EIF3A: variants seen among roughly 807,000 people sequenced by gnomAD.
EIF3A encodes the protein eukaryotic translation initiation factor 3 subunit A, also known as EIF3, p180 subunit.
A neutral mutation model predicts 186.6 loss-of-function variants in EIF3A; 21 were observed. That is an observed-to-expected ratio of 0.11 (90% CI 0.08 to 0.16). The LOEUF is 0.16. EIF3A is among the 10% of genes least tolerant of loss of function. The pLI is 1.00. For missense variants in EIF3A, 1,306 were observed against 1,796.3 expected (o/e 0.73, Z 4.93); for synonymous variants, 563 against 584.3 (o/e 0.96, Z 0.52).
chr10:119,080,535 G>C (rs1844247938), intron 1 of EIF3A, 93 bp downstream of exon 1: 1 of 1,447,816 alleles, frequency 6.9e-7, no homozygotes, highest in Non-Finnish European at 9.0e-7. Context: ...CCCCGCGCGG[G>C]CCGGGCGGCG....
At position 119,072,335 on chromosome 10, in the gene EIF3A, T is replaced by C. The variant is rs34505219; in HGVS notation, c.541+555A>G. Among the ~76,000 whole-genome samples the C allele has an allele frequency of 3.3e-5, 5 of 152,018 alleles. 1 individual carries two copies. Among genetic ancestry groups the C allele is most frequent in the Non-Finnish European group, 1.5e-5 (1 of 67,984 alleles). ...TGTCTTTCATTATTACTGATGTTTG[T>C]GTAAAAAGAAAAAAAAAGATCTTTC... On this transcript the variant is annotated intron_variant, in intron 4 of 21. Coordinates refer to ENST00000369144, the MANE Select transcript of EIF3A (RefSeq NM_003750.4).
intron 1 of EIF3A, among the ~76,000 whole-genome samples, chr10:119,076,321 CCA>C (rs1589698139): frequency 6.4e-5 from 1 of 15,664 alleles, no homozygotes; most frequent in African/African-American, 1.6e-4. Context: ...CAACAAGTCT[CCA>C]AAAAAAAAAA....
chr10:119,062,740 C>T (rs1843908759), intron 7 of EIF3A, among the ~76,000 whole-genome samples: 1 of 131,906 alleles, frequency 7.6e-6, no homozygotes, highest in Non-Finnish European at 1.6e-5. Flanking sequence ...TCTAAGAGAT[C>T]ACCTTTTTTT....
In EIF3A at chr10:119,050,705, G is replaced by A. The variant is rs1353418568; in HGVS notation, c.2320-31C>T. On this transcript the variant is annotated intron_variant, in intron 15 of 21. Transcript: ENST00000369144. ...ATCGAAGTAACCCCCAACCCAAAAA[G>A]GGCACACTTTGTCAAGAGCAACAAA... is the stretch of plus-strand genomic sequence containing the variant. The A allele has an allele frequency of 3.7e-6, 6 of 1,612,472 alleles. No homozygotes were observed. The East Asian group carries it at 1.1e-4, about 30-fold the overall frequency.
At chr10:119,045,829 A>T (rs1052834748) in intron 17 of EIF3A, among the ~76,000 whole-genome samples, 9 of 152,214 alleles carry the variant, frequency 5.9e-5, no homozygotes, top group Non-Finnish European at 1.3e-4. Context: ...GGTCTCCCAA[A>T]GTGCTGAGAT....
At chr10:119,062,743 CTTTTTTTTT>C (rs372690463) in intron 7 of EIF3A, among the ~76,000 whole-genome samples, 3 of 91,048 alleles carry the variant, frequency 3.3e-5, no homozygotes, top group Admixed American at 1.6e-4. Flanking sequence ...AAGAGATCAC[CTTTTTTTTT>C]TTTTTTTTTT....
At chr10:119,058,814 TAG>T (rs1164942864) in intron 11 of EIF3A, among the ~76,000 whole-genome samples, 1 of 151,870 alleles carries the variant, frequency 6.6e-6, no homozygotes, top group Non-Finnish European at 1.5e-5. Context: ...ACCCAGGAGG[TAG>T]AGATTGCAAT....
At chr10:119,053,919 TATTG>T (rs551569556) in intron 14 of EIF3A, among the ~76,000 whole-genome samples, 4 of 152,118 alleles carry the variant, frequency 2.6e-5, no homozygotes, top group East Asian at 1.9e-4. Context: ...CAGCTTCCTT[TATTG>T]ATTGATTGAT....
chr10:119,076,691 T>C (rs996339214), intron 1 of EIF3A, among the ~76,000 whole-genome samples: 1 of 152,008 alleles, frequency 6.6e-6, no homozygotes, highest in African/African-American at 2.4e-5. Flanking sequence ...CCTATAATCC[T>C]AGCCCTCTGG....
rs376369567 is a variant in EIF3A at position 119,047,265 on chromosome 10, C to CCA, written c.2658+2534_2658+2535dup. ...CCTGGGCAACAGAGCGAGACTGTCT[C>CCA]CACACACACACACACACAAAAAGAA... On this transcript the variant is annotated intron_variant, in intron 17 of 21. Coordinates refer to ENST00000369144, the MANE Select transcript of EIF3A (RefSeq NM_003750.4). Among the ~76,000 whole-genome samples, 388 of 151,086 alleles carry CCA rather than the reference C, an allele frequency of 2.6e-3. 1 individual carries two copies. The highest frequency in any genetic ancestry group is 0.01 in the Middle Eastern group (3 of 292).
chr10:119,051,134 G>A (rs17098380), intron 15 of EIF3A, 65 bp downstream of exon 15: 46,814 of 1,431,182 alleles, frequency 0.033, 1,516 homozygotes, highest in African/African-American at 0.16. Flanking sequence ...TTTGTTAAGG[G>A]AGAACCCTTA....
chr10:119,075,488 G>A (rs1300493692), intron 1 of EIF3A, among the ~76,000 whole-genome samples: 1 of 150,610 alleles, frequency 6.6e-6, no homozygotes. Context: ...GGAGAAAGAG[G>A]TTATTTAACC....
In EIF3A at chr10:119,059,375, C is replaced by T. The variant is rs147473317; in HGVS notation, c.1466G>A (p.Arg489Gln). The change falls in exon 11 of 22, where the codon CGG (arginine) becomes CAG (glutamine). Residue 489 changes from arginine (R) to glutamine (Q), a missense_variant. Physicochemically the swap from Arg to Gln is conservative, Grantham distance 43 (BLOSUM62 1). Transcript: ENST00000369144. ...DLQVRIDHTS[R>Q]TLSFGSDLNY... ...CAAATCAGATCCAAAACTCAGGGTC[C>T]GAGAAGTGTGATCAATACGAACCTT... 2.3e-5 allele frequency: 36 copies of T among 1,598,726 alleles called. No individual in the cohort carries two copies. The East Asian group carries it at 6.5e-4, about 29-fold the overall frequency.
intron 18 of EIF3A, 48 bp downstream of exon 18, chr10:119,044,005 AG>A: frequency 3.8e-6 from 5 of 1,323,342 alleles, no homozygotes; most frequent in Non-Finnish European, 5.4e-6. Context: ...ACCACTGATA[AG>A]ATATTAACAG....
chr10:119,051,715 T>A (rs115460262), intron 14 of EIF3A, among the ~76,000 whole-genome samples: 1,858 of 152,266 alleles, frequency 0.012, 30 homozygotes, highest in African/African-American at 0.042. Context: ...TTGCAGTCTA[T>A]TAAGTATACA....
intron 6 of EIF3A, among the ~76,000 whole-genome samples, chr10:119,066,504 T>TC (rs545138368): frequency 2.2e-3 from 40 of 18,314 alleles, no homozygotes; most frequent in African/African-American, 9.4e-3. Flanking sequence ...GTTAAGACTG[T>TC]CAAAAAAAAA....
At chr10:119,062,743 C>CTTTT (rs372690463) in intron 7 of EIF3A, among the ~76,000 whole-genome samples, 971 of 91,010 alleles carry the variant, frequency 0.011, 18 homozygotes, top group East Asian at 0.015. Context: ...AAGAGATCAC[C>CTTTT]TTTTTTTTTT....
intron 1 of EIF3A, among the ~76,000 whole-genome samples, chr10:119,079,436 CA>C (rs1309646093): frequency 3.3e-5 from 5 of 152,160 alleles, no homozygotes; most frequent in Admixed American, 3.3e-4. Context: ...AAGAAGCTAA[CA>C]AAATAAGCTC....
At chr10:119,052,826 G>A (rs1848377152) in intron 14 of EIF3A, among the ~76,000 whole-genome samples, 2 of 152,206 alleles carry the variant, frequency 1.3e-5, no homozygotes, top group East Asian at 1.9e-4. Flanking sequence ...CTCCTCCCAC[G>A]AATCACAAAT....
Sources: allele counts gnomAD v4.1 joint callset (sites outside exome capture counted in the v4.1 genomes callset), GRCh38; gene constraint gnomAD v4.1.1; transcripts MANE v1.5; gene names NCBI Gene and HGNC (gene_info 2026-07-23, HGNC 2026-07-21).